EDNRA: variants seen among roughly 807,000 people sequenced by gnomAD.
The protein encoded by EDNRA is endothelin-1 receptor.
A neutral mutation model predicts 41.4 loss-of-function variants in EDNRA; 11 were observed. The observed-to-expected ratio is 0.27, with a 90% confidence interval of 0.17 to 0.44. The LOEUF (loss-of-function observed/expected upper bound fraction) is 0.44, where lower values mean the gene tolerates loss of function less well. EDNRA is among the 20% of genes least tolerant of loss of function. The pLI is 1.00. For missense variants in EDNRA, 294 were observed against 531.0 expected (o/e 0.55, Z 4.39); for synonymous variants, 172 against 183.0 (o/e 0.94, Z 0.49).
chr4:147,498,638 T>G (rs757344834), intron 2 of EDNRA, among the ~76,000 whole-genome samples: 10 of 152,226 alleles, frequency 6.6e-5, no homozygotes, highest in Admixed American at 1.3e-4. Context: ...GGAAAAAGTT[T>G]GTCAAGCCTG....
chr4:147,504,791 CAA>C (rs370758151), intron 2 of EDNRA, among the ~76,000 whole-genome samples: 3 of 148,828 alleles, frequency 2.0e-5, no homozygotes. Flanking sequence ...TCCATCTCTA[CAA>C]AAAAAAATAC....
intron 2 of EDNRA, among the ~76,000 whole-genome samples, chr4:147,513,103 G>A (rs1729981658): frequency 6.6e-6 from 1 of 152,168 alleles, no homozygotes; most frequent in Non-Finnish European, 1.5e-5. Flanking sequence ...GCAGAGCTTG[G>A]GGTCAGTCTG....
Position 147,486,112 on chromosome 4 carries a change from A to G in EDNRA, c.420+11A>G, listed in dbSNP as rs1420204747. 7 of 1,592,834 alleles carry G rather than the reference A, an allele frequency of 4.4e-6. No homozygotes were observed. In the South Asian group the frequency reaches 6.8e-5, roughly 16 times the overall value. Reference sequence around the variant, plus strand: ...ATCAATGTATTTAAGGTAGGAAGTAACCACAAATGTATTTGCAAATTTAAA... The same window carrying G: ...ATCAATGTATTTAAGGTAGGAAGTAGCCACAAATGTATTTGCAAATTTAAA... On this transcript the variant is annotated intron_variant, in intron 2 of 7. Transcript: ENST00000651419. The surrounding 1 kb of genome is among the most constrained non-coding windows in gnomAD (Gnocchi z 4.3).
At chr4:147,531,079 CA>C (rs1730722113) in intron 3 of EDNRA, among the ~76,000 whole-genome samples, 1 of 152,070 alleles carries the variant, frequency 6.6e-6, no homozygotes, top group Non-Finnish European at 1.5e-5. Flanking sequence ...ATTTCTAAAC[CA>C]AACCTTCCTT....
chr4:147,520,049 C>A, intron 3 of EDNRA, 71 bp downstream of exon 3: 2 of 1,540,458 alleles, frequency 1.3e-6, no homozygotes, highest in South Asian at 2.5e-5. Flanking sequence ...GAAGAAAAGT[C>A]AAGAGAATTC....
intron 2 of EDNRA, chr4:147,491,422 T>G (rs1729132589): frequency 6.6e-6 from 1 of 152,150 alleles, no homozygotes; most frequent in Non-Finnish European, 1.5e-5. Context: ...AAAAATAAAT[T>G]GTCACAACTT....
chr4:147,501,228 C>A (rs1729507727), intron 2 of EDNRA, among the ~76,000 whole-genome samples: 1 of 152,214 alleles, frequency 6.6e-6, no homozygotes, highest in African/African-American at 2.4e-5. Flanking sequence ...TGCCTGAGGG[C>A]TCAATATTTG....
intron 3 of EDNRA, among the ~76,000 whole-genome samples, chr4:147,528,083 G>C (rs1371396508): frequency 6.6e-6 from 1 of 152,176 alleles, no homozygotes; most frequent in African/African-American, 2.4e-5. Context: ...ATTAAGGTAA[G>C]GTAAGGTTAC....
intron 2 of EDNRA, among the ~76,000 whole-genome samples, chr4:147,507,268 CCAAACCCTGAAGA>C (rs1729751391): frequency 6.6e-6 from 1 of 151,580 alleles, no homozygotes; most frequent in Non-Finnish European, 1.5e-5. Flanking sequence ...CCTGTAATAG[CCAAACCCTGAAGA>C]CAACTCAGAT....
chr4:147,523,907 C>G (rs367847729), intron 3 of EDNRA, among the ~76,000 whole-genome samples: 30 of 152,104 alleles, frequency 2.0e-4, no homozygotes, highest in African/African-American at 6.7e-4. Flanking sequence ...ATGGCCTGAA[C>G]TCGTATTTTA....
chr4:147,494,506 G>A (rs1729244088), intron 2 of EDNRA: 1 of 152,316 alleles, frequency 6.6e-6, no homozygotes, highest in Admixed American at 6.5e-5. Context: ...CCTGTGGCAG[G>A]AATGTGCCTG....
chr4:147,531,403 TAAG>T (rs1016620319), intron 3 of EDNRA, among the ~76,000 whole-genome samples: 13 of 152,182 alleles, frequency 8.5e-5, no homozygotes, highest in African/African-American at 3.1e-4. Context: ...TGTGCTCACA[TAAG>T]AAGGGAGGAA....
At chr4:147,482,937 CCTT>C (rs1197886970) in intron 1 of EDNRA, among the ~76,000 whole-genome samples, 3 of 152,192 alleles carry the variant, frequency 2.0e-5, no homozygotes, top group Non-Finnish European at 4.4e-5. Context: ...TCTGCAAAGG[CCTT>C]CTCTCTCTCA....
Position 147,519,840 on chromosome 4 carries a change from CCTT to C in EDNRA, c.421-7_421-5del. 1 of 1,613,288 alleles carries C rather than the reference CCTT, an allele frequency of 6.2e-7. No individual in the cohort carries two copies. Among genetic ancestry groups the C allele is most frequent in the Non-Finnish European group, 8.5e-7 (1 of 1,179,544 alleles). ...TCTACCATTTCTTACCACTGTGTCT[CCTT>C]CTTTCAGCTGCTGGCTGGGCGCTGG... On this transcript the variant is annotated splice_region_variant and splice_polypyrimidine_tract_variant and intron_variant, in intron 2 of 7. Coordinates refer to ENST00000651419, the MANE Select transcript of EDNRA (RefSeq NM_001957.4). The surrounding 1 kb of genome is among the most constrained non-coding windows in gnomAD (Gnocchi z 4.1).
chr4:147,483,091 C>T (rs907410795), intron 1 of EDNRA, among the ~76,000 whole-genome samples: 9 of 152,206 alleles, frequency 5.9e-5, no homozygotes, highest in Non-Finnish European at 1.3e-4. Flanking sequence ...AGAAGCTTTT[C>T]TCTTGGAGTC....
chr4:147,540,339 A>C (rs754239874), intron 6 of EDNRA, 38 bp from the exon 7 acceptor site: 1 of 1,459,764 alleles, frequency 6.9e-7, no homozygotes, highest in East Asian at 2.3e-5. Flanking sequence ...TTAAAACAAT[A>C]TATTCTAATT....
intron 2 of EDNRA, among the ~76,000 whole-genome samples, chr4:147,497,143 ATTC>A (rs1729328064): frequency 1.4e-5 from 2 of 142,788 alleles, no homozygotes; most frequent in Admixed American, 1.4e-4. Flanking sequence ...AGGCAATAGA[ATTC>A]TTCTTTTTTT....
chr4:147,532,371 AGACTCAG>A, intron 3 of EDNRA, 128 bp from the exon 4 acceptor site: 1 of 724,978 alleles, frequency 1.4e-6, no homozygotes, highest in South Asian at 1.8e-5. Context: ...TTTCATACCA[AGACTCAG>A]AAAATTCCTA....
chr4:147,520,332 A>T, intron 3 of EDNRA: 2 of 500,834 alleles, frequency 4.0e-6, no homozygotes, highest in Admixed American at 4.2e-5. Flanking sequence ...ATAAAAAAAG[A>T]TACTGTTCAA....
Sources: allele counts gnomAD v4.1 joint callset (sites outside exome capture counted in the v4.1 genomes callset), GRCh38; gene constraint gnomAD v4.1.1; non-coding constraint Gnocchi (gnomAD v3.1); transcripts MANE v1.5; gene names NCBI Gene and HGNC (gene_info 2026-07-23, HGNC 2026-07-21).